Variants in SORBS2 observed in about 807,000 individuals in gnomAD.
SORBS2 encodes the protein sorbin and SH3 domain containing 2.
In SORBS2, 46 loss-of-function variants were observed where a neutral mutation model predicts 97.7. That is an observed-to-expected ratio of 0.47 (90% CI 0.37 to 0.60). The LOEUF is 0.60. Ranked by LOEUF, SORBS2 falls within the 20% of genes least tolerant of loss-of-function variation. The pLI is 0.00. For missense variants in SORBS2, 1,316 were observed against 1,282.3 expected (o/e 1.03, Z -0.40); for synonymous variants, 476 against 473.4 (o/e 1.01, Z -0.07).
Position 185,684,783 on chromosome 4 carries a change from A to C in SORBS2, c.-197-5961T>G, listed in dbSNP as rs2097923340. 6.4e-7 allele frequency: 1 copy of C among 1,551,704 alleles called. No homozygotes were observed. Among genetic ancestry groups the C allele is most frequent in the African/African-American group, 1.4e-5 (1 of 73,030 alleles). On this transcript the variant is annotated intron_variant, in intron 2 of 20. Coordinates refer to the SORBS2 transcript ENST00000284776. The surrounding 1 kb of genome is among the most constrained non-coding windows in gnomAD (Gnocchi z 4.2). ...AGCCAATAGGTTTGGAGAACTTTGCACTCTCTTCACAGATGTTAGCGTAAC... is the reference window on the plus strand; with the variant it reads ...AGCCAATAGGTTTGGAGAACTTTGCCCTCTCTTCACAGATGTTAGCGTAAC...
rs112867152 is a variant in SORBS2 at position 185,627,093 on chromosome 4, C to T, written c.447-74G>A. On this transcript the variant is annotated intron_variant, in intron 5 of 14. Transcript: ENST00000418609. ...GTGTGCACCAGAAAAACCGGTGGAA[C>T]GTGCTAGTGACAATGGCGTAACTCC... 2.0e-3 allele frequency: 2,661 copies of T among 1,333,502 alleles called. 38 individuals carry two copies. The highest frequency in any genetic ancestry group is 0.019 in the African/African-American group (1,336 of 69,782). 82.6% of individuals were successfully genotyped at this position (1,333,502 alleles called of 1,614,324 possible).
At chr4:185,846,116 T>C (rs1428388231) in intron 1 of SORBS2, among the ~76,000 whole-genome samples, 5 of 152,216 alleles carry the variant, frequency 3.3e-5, no homozygotes, top group Admixed American at 1.3e-4. Flanking sequence ...ATAGAGGCTA[T>C]ATTCATGGTC....
intron 2 of SORBS2, 42 bp from the exon 11 acceptor site, chr4:185,651,870 A>G (rs1292266422): frequency 1.0e-6 from 1 of 981,008 alleles, no homozygotes; most frequent in Non-Finnish European, 1.6e-6. Flanking sequence ...ATAGATTGTC[A>G]CCAAAGGACA....
At chr4:185,901,204 A>AT (rs61631883) in intron 1 of SORBS2, among the ~76,000 whole-genome samples, 8,702 of 148,220 alleles carry the variant, frequency 0.059, 318 homozygotes, top group East Asian at 0.15. Context: ...TTGAAGAAGA[A>AT]TTTTTTTTTT....
rs1216743079 is a variant in SORBS2, at chr4:185,607,322, G to C, written c.2796+4458C>G. 2 of 1,287,104 alleles carry C rather than the reference G, an allele frequency of 1.6e-6. No individual in the cohort carries two copies. Among genetic ancestry groups the C allele is most frequent in the East Asian group, 5.7e-5 (1 of 17,600 alleles). The allele number at this position is 1,287,104 out of a possible 1,614,324, so 79.7% of individuals were successfully genotyped here. A position where few individuals can be genotyped will look rare whatever the true frequency, so the allele number is the denominator to read the frequency against. ...GAGCCAGGTGAGACTTTGTGGGTGG[G>C]AGGAGGGGCTGGTTCACTGGAAGCC... is the stretch of plus-strand genomic sequence containing the variant. On this transcript the variant is annotated intron_variant, in intron 12 of 14. Transcript: ENST00000418609. This position sits in a 1 kb window ranked among gnomAD's most constrained non-coding sequence, Gnocchi z 5.2.
At chr4:185,922,562 T>A (rs2099261402) in intron 1 of SORBS2, among the ~76,000 whole-genome samples, 1 of 152,212 alleles carries the variant, frequency 6.6e-6, no homozygotes, top group South Asian at 2.1e-4. Flanking sequence ...AACCTATGTT[T>A]TTTATTGAGA....
chr4:185,793,306 C>T (rs1458233754), intron 1 of SORBS2, among the ~76,000 whole-genome samples: 1 of 152,206 alleles, frequency 6.6e-6, no homozygotes, highest in African/African-American at 2.4e-5. Flanking sequence ...GATGGCTGTT[C>T]TTTGGGAATA....
intron 2 of SORBS2, among the ~76,000 whole-genome samples, chr4:185,692,435 A>G (rs986291521): frequency 6.6e-6 from 1 of 152,266 alleles, no homozygotes; most frequent in Non-Finnish European, 1.5e-5. Flanking sequence ...GTCTCTAAAA[A>G]GAGCAGCAAA....
chr4:185,658,639 A>T (rs965195421), upstream of SORBS2, among the ~76,000 whole-genome samples: 4 of 151,622 alleles, frequency 2.6e-5, no homozygotes, highest in Admixed American at 2.6e-4. Context: ...TGTATATGAT[A>T]TATATCATGT....
intron 2 of SORBS2, among the ~76,000 whole-genome samples, 160 bp downstream of exon 11, chr4:185,651,624 C>A (rs1220436584): frequency 6.6e-6 from 1 of 152,064 alleles, no homozygotes; most frequent in Non-Finnish European, 1.5e-5. Context: ...AAAGTCAATC[C>A]TTTTGTTATG....
At chr4:185,873,671 T>C (rs900802468) in intron 1 of SORBS2, among the ~76,000 whole-genome samples, 2 of 152,166 alleles carry the variant, frequency 1.3e-5, no homozygotes, top group African/African-American at 4.8e-5. Flanking sequence ...AGAGAAAGAC[T>C]GGGGTTTGAT....
At chr4:185,650,821 G>A (rs901243662) in intron 2 of SORBS2, among the ~76,000 whole-genome samples, 1 of 152,166 alleles carries the variant, frequency 6.6e-6, no homozygotes, top group Non-Finnish European at 1.5e-5. Flanking sequence ...TGGGCCTGAA[G>A]CTATCAGTGG....
chr4:185,775,064 A>T (rs971493666), intron 2 of SORBS2, 163 bp downstream of exon 2: 4 of 152,284 alleles, frequency 2.6e-5, no homozygotes, highest in Non-Finnish European at 5.9e-5. Flanking sequence ...ACTTACAGCC[A>T]CAAAAATGCC....
rs2098836467 is a variant in SORBS2 at position 185,757,143 on chromosome 4, C to T, written c.-198+18084G>A. On this transcript the variant is annotated intron_variant, in intron 2 of 20. Transcript: ENST00000284776. ...ACTGTCCACTGTAGGGGTTCCTGGT[C>T]CAGCAGAAGACTTTCAGATATTGTC... 7.0e-6 allele frequency: 3 copies of T among 427,088 alleles called. No homozygotes were observed. The Admixed American group carries it at 1.0e-4, about 15-fold the overall frequency. 26.5% of individuals were successfully genotyped at this position (427,088 alleles called of 1,614,324 possible).
chr4:185,907,741 A>G (rs2099251861), intron 1 of SORBS2, among the ~76,000 whole-genome samples: 1 of 152,152 alleles, frequency 6.6e-6, no homozygotes, highest in Admixed American at 6.6e-5. Flanking sequence ...AGCTAAGCAC[A>G]TGCACTCTCT....
In SORBS2 at chr4:185,901,495, C is replaced by T. The variant is rs7699821; in HGVS notation, c.-338+54701G>A. ...CTGAGATTACAGGTGTGAGCTACCA[C>T]GCCTGGCCGAAGAGGAAAATTTATA... On this transcript the variant is annotated intron_variant, in intron 1 of 20. Transcript: ENST00000284776. 9.0e-3 allele frequency among the ~76,000 whole-genome samples: 1,370 copies of T among 152,212 alleles called. 16 individuals are homozygous for T. The highest frequency in any genetic ancestry group is 0.011 in the Non-Finnish European group (746 of 68,036).
At chr4:185,908,352 C>CAT (rs1223931562) in intron 1 of SORBS2, among the ~76,000 whole-genome samples, 4 of 103,318 alleles carry the variant, frequency 3.9e-5, no homozygotes, top group African/African-American at 1.8e-4. Flanking sequence ...TATATATACA[C>CAT]ATATATATAC....
chr4:185,848,246 A>G (rs1037901660), intron 1 of SORBS2, among the ~76,000 whole-genome samples: 14 of 152,322 alleles, frequency 9.2e-5, no homozygotes, highest in Admixed American at 2.0e-4. Flanking sequence ...CTGGGCTTCA[A>G]GGGTATTCTG....
At chr4:185,711,441 A>T (rs2098419887) in intron 2 of SORBS2, among the ~76,000 whole-genome samples, 1 of 152,196 alleles carries the variant, frequency 6.6e-6, no homozygotes. Context: ...GGTTTGTAGA[A>T]ATGTATAGGT....
Sources: allele counts gnomAD v4.1 joint callset (sites outside exome capture counted in the v4.1 genomes callset), GRCh38; gene constraint gnomAD v4.1.1; non-coding constraint Gnocchi (gnomAD v3.1); transcripts MANE v1.5; gene names NCBI Gene and HGNC (gene_info 2026-07-23, HGNC 2026-07-21).